Variants in NLGN4X observed in about 807,000 individuals in gnomAD.
The protein encoded by NLGN4X is neuroligin-4, X-linked.
In NLGN4X, 3 loss-of-function variants were observed where a neutral mutation model predicts 40.3. The ratio of observed to expected loss-of-function variants is 0.07; its 90% CI spans 0.03 to 0.19. The LOEUF is 0.19. NLGN4X is among the 10% of genes least tolerant of loss of function. The probability of loss-of-function intolerance (pLI) is 1.00; values close to 1 mark genes in which losing one functional copy is unlikely to be tolerated. For missense variants in NLGN4X, 382 were observed against 708.3 expected (o/e 0.54, Z 5.23); for synonymous variants, 270 against 306.8 (o/e 0.88, Z 1.25).
At chrX:5,896,805 T>C (rs937363022) in intron 5 of NLGN4X, among the ~76,000 whole-genome samples, 2 of 112,400 alleles carry the variant, frequency 1.8e-5, no homozygotes, top group African/African-American at 3.2e-5. Flanking sequence ...GACTAGTTTA[T>C]TATGCATTCA....
chrX:6,047,393 A>G (rs1043889469), intron 2 of NLGN4X, among the ~76,000 whole-genome samples: 1 of 111,441 alleles, frequency 9.0e-6, no homozygotes, highest in Admixed American at 9.5e-5. Context: ...TGGGAGGATC[A>G]CCTAAGCCCG....
chrX:6,026,760 A>T (rs952305695), intron 3 of NLGN4X, among the ~76,000 whole-genome samples: 6 of 111,700 alleles, frequency 5.4e-5, no homozygotes, highest in Non-Finnish European at 1.1e-4. Context: ...CACCAATTTT[A>T]CAGCTCTCTG....
chrX:6,064,090 A>G (rs1294845853), intron 2 of NLGN4X, among the ~76,000 whole-genome samples: 1 of 111,637 alleles, frequency 9.0e-6, no homozygotes, highest in Non-Finnish European at 1.9e-5. Flanking sequence ...GATAAACGGC[A>G]TGTATTCTCT....
intron 3 of NLGN4X, among the ~76,000 whole-genome samples, chrX:5,980,475 CTT>C (rs1266350117): frequency 1.1e-5 from 1 of 91,571 alleles, no homozygotes; most frequent in African/African-American, 4.0e-5. Context: ...CAAAATTTTT[CTT>C]TTTTTTTTTT....
chrX:6,200,462 G>T (rs1923484864), intron 1 of NLGN4X, among the ~76,000 whole-genome samples: 1 of 110,725 alleles, frequency 9.0e-6, no homozygotes, highest in South Asian at 3.8e-4. Flanking sequence ...GGATGAAGGT[G>T]GAGAAGTGAG....
chrX:6,088,790 T>C (rs2038562864), intron 2 of NLGN4X, among the ~76,000 whole-genome samples: 1 of 112,084 alleles, frequency 8.9e-6, no homozygotes, highest in African/African-American at 3.2e-5. Flanking sequence ...AAGAAGAATA[T>C]ATGATGCCGA....
At chrX:5,909,304 T>C in intron 3 of NLGN4X, 65 bp from the exon 4 acceptor site, 1 of 1,106,910 alleles carries the variant, frequency 9.0e-7, no homozygotes, top group Non-Finnish European at 1.2e-6. Flanking sequence ...TCTCTGCTAT[T>C]TGAAAAGATA....
chrX:6,166,954 C>A (rs780176971), intron 1 of NLGN4X, among the ~76,000 whole-genome samples: 1 of 108,227 alleles, frequency 9.2e-6, no homozygotes, highest in South Asian at 4.2e-4. Context: ...TGCCTGTAGC[C>A]CTAGCTACTC....
intron 3 of NLGN4X, among the ~76,000 whole-genome samples, chrX:6,023,627 T>C (rs1397075527): frequency 8.9e-6 from 1 of 111,746 alleles, no homozygotes; most frequent in Non-Finnish European, 1.9e-5. Context: ...TCCTCATAGG[T>C]AGGACATAAG....
chrX:6,023,511 G>A (rs2036605463), intron 3 of NLGN4X, among the ~76,000 whole-genome samples: 1 of 112,088 alleles, frequency 8.9e-6, no homozygotes, highest in South Asian at 3.7e-4. Context: ...AGTTCTGAGT[G>A]GTAAGTCAGA....
intron 2 of NLGN4X, among the ~76,000 whole-genome samples, chrX:6,113,058 G>A (rs902841609): frequency 9.1e-6 from 1 of 110,315 alleles, no homozygotes; most frequent in African/African-American, 3.3e-5. Flanking sequence ...CCTCAAAACT[G>A]TTAAGGTCAT....
intron 3 of NLGN4X, among the ~76,000 whole-genome samples, chrX:5,968,496 TG>T (rs2034911479): frequency 1.2e-5 from 1 of 81,732 alleles, no homozygotes; most frequent in Non-Finnish European, 2.4e-5. Flanking sequence ...TGTGTGTGTG[TG>T]TGTGTGTGTG....
At chrX:6,095,737 G>A (rs2038756889) in intron 2 of NLGN4X, among the ~76,000 whole-genome samples, 1 of 111,789 alleles carries the variant, frequency 8.9e-6, no homozygotes, top group Non-Finnish European at 1.9e-5. Flanking sequence ...CACAATTAAG[G>A]ATGGGCGTTA....
At chrX:5,996,272 C>A (rs1446843716) in intron 3 of NLGN4X, among the ~76,000 whole-genome samples, 1 of 112,361 alleles carries the variant, frequency 8.9e-6, no homozygotes, top group Non-Finnish European at 1.9e-5. Flanking sequence ...CAGCCTGTGG[C>A]TCAGGTGTGC....
chrX:6,114,454 A>G (rs1351610710), intron 2 of NLGN4X, among the ~76,000 whole-genome samples: 1 of 108,751 alleles, frequency 9.2e-6, no homozygotes, highest in African/African-American at 3.4e-5. Context: ...TTAAAGCTCT[A>G]ATTTAATGGA....
intron 1 of NLGN4X, among the ~76,000 whole-genome samples, chrX:6,184,543 G>T (rs772593941): frequency 2.8e-5 from 3 of 107,516 alleles, no homozygotes; most frequent in African/African-American, 1.0e-4. Context: ...CAAATGCTGG[G>T]GGGGGTGGGG....
chrX:6,089,965 G>C (rs1441377757), intron 2 of NLGN4X, among the ~76,000 whole-genome samples: 3 of 110,985 alleles, frequency 2.7e-5, no homozygotes, highest in Admixed American at 1.9e-4. Flanking sequence ...AAATTCATGA[G>C]ACTGTGGTTA....
At chrX:6,198,866 C>A (rs147721781) in intron 1 of NLGN4X, among the ~76,000 whole-genome samples, 1 of 111,417 alleles carries the variant, frequency 9.0e-6, no homozygotes, top group African/African-American at 3.3e-5. Context: ...TGTAGGCCTA[C>A]ACAAACACAC....
At chrX:6,146,725 T>G (rs1004421468) in intron 2 of NLGN4X, among the ~76,000 whole-genome samples, 1 of 109,856 alleles carries the variant, frequency 9.1e-6, no homozygotes, top group Non-Finnish European at 1.9e-5. Flanking sequence ...AAAATTTCAC[T>G]TTTCTAGAAA....
Sources: gnomAD v4.1 joint callset for allele counts (sites outside exome capture counted in the v4.1 genomes callset) on GRCh38, gnomAD v4.1.1 for gene constraint, MANE v1.5 for transcripts, NCBI Gene and HGNC (gene_info 2026-07-23, HGNC 2026-07-21) for gene names.